RBBP6: variants seen among roughly 807,000 people sequenced by gnomAD.
RBBP6 encodes RB binding protein 6, ubiquitin ligase.
RBBP6 carries 25 observed loss-of-function variants against 167.7 expected under a neutral mutation model. That is an observed-to-expected ratio of 0.15 (90% CI 0.11 to 0.21). The LOEUF is 0.21. Among genes scored for constraint, RBBP6 ranks in the 10% least tolerant of loss-of-function variants. RBBP6 has a pLI of 1.00. For missense variants in RBBP6, 1,868 were observed against 2,134.2 expected, an observed-to-expected ratio of 0.88 and a Z score of 2.46; for synonymous variants, 789 against 735.8, an observed-to-expected ratio of 1.07 and a Z score of -1.17.
chr16:24,556,228 CTGTAT>C (rs2141465780), intron 6 of RBBP6, 75 bp from the exon 7 acceptor site: 2 of 1,167,954 alleles, frequency 1.7e-6, no homozygotes, highest in South Asian at 2.8e-5. Flanking sequence ...ATAGTAAGCA[CTGTAT>C]AACATTAGCT....
intron 3 of RBBP6, among the ~76,000 whole-genome samples, chr16:24,549,999 A>G (rs932493393): frequency 6.6e-6 from 1 of 152,042 alleles, no homozygotes; most frequent in African/African-American, 2.4e-5. Context: ...CATCTGTTTC[A>G]TAACACAGGT....
At chr16:24,545,528 T>G (rs1009382019) in intron 1 of RBBP6, among the ~76,000 whole-genome samples, 1 of 152,226 alleles carries the variant, frequency 6.6e-6, no homozygotes, top group African/African-American at 2.4e-5. Context: ...TCAAGCCGTT[T>G]CGTATCATTT....
intron 8 of RBBP6, among the ~76,000 whole-genome samples, chr16:24,560,107 T>C (rs1899012338): frequency 7.5e-6 from 1 of 133,776 alleles, no homozygotes; most frequent in Non-Finnish European, 1.6e-5. Flanking sequence ...TGTAGACAGT[T>C]TTTGTTTTTT....
chr16:24,569,267 C>G lies in RBBP6; in HGVS notation c.2577C>G (p.Asn859Lys), dbSNP rs528179927. Residue 859 changes from asparagine to lysine, a missense_variant, in exon 17 of 18, where the codon AAC becomes AAG. By Grantham distance (94) the Asn-to-Lys change is moderately conservative. Coordinates refer to ENST00000319715, the MANE Select transcript of RBBP6 (RefSeq NM_006910.5). ...CTAGACCCTCAGCAAATAGAGAGAACTTTTCTCCAGAGAGATTTTTGCCAC... is the reference window on the plus strand; with the variant it reads ...CTAGACCCTCAGCAAATAGAGAGAAGTTTTCTCCAGAGAGATTTTTGCCAC... ...AQPRPSANRE[N>K]FSPERFLPLN... 1 of 1,612,242 alleles carries G rather than the reference C, an allele frequency of 6.2e-7. No individual in the cohort carries two copies. The highest frequency in any genetic ancestry group is 1.3e-5 in the African/African-American group (1 of 74,726).
rs757343740 is a variant in RBBP6, at chr16:24,572,119, G to A, written c.5053G>A (p.Val1685Met). The A allele has an allele frequency of 1.2e-6, 2 of 1,614,136 alleles. No individual in the cohort carries two copies. ...ESLDTAAVVQ[V>M]GISRNQSHSS... ...CCTGGACACAGCAGCAGTTGTCCAGGTGGGCATAAGCAGGAATCAGAGCCA... is the reference window on the plus strand; with the variant it reads ...CCTGGACACAGCAGCAGTTGTCCAGATGGGCATAAGCAGGAATCAGAGCCA... The change falls in exon 18 of 18, where the codon GTG becomes ATG. Residue 1685 changes from valine to methionine, a missense_variant. Coordinates refer to ENST00000319715, the MANE Select transcript of RBBP6 (RefSeq NM_006910.5).
At chr16:24,547,691 G>A in intron 2 of RBBP6, among the ~76,000 whole-genome samples, 1 of 152,212 alleles carries the variant, frequency 6.6e-6, no homozygotes, top group Non-Finnish European at 1.5e-5. Flanking sequence ...CCTGACCTCA[G>A]GTGATCCACC....
chr16:24,571,170 G>A lies in RBBP6; in HGVS notation c.4104G>A (p.Glu1368=), dbSNP rs369961617. Residue 1368 remains glutamate, a synonymous_variant, in exon 18 of 18, where the codon GAG becomes GAA. Transcript: ENST00000319715. ...TCAAGTATCCTGAGAAAGAAAGTGA[G>A]CCATCCGAGAAAATTCAGAAATTCA... The part of the protein sequence containing the change: ...NIVKYPEKES[E]PSEKIQKFTK... The A allele has an allele frequency of 1.6e-5, 26 of 1,613,548 alleles. No homozygotes were observed. In the African/African-American group the frequency reaches 2.8e-4, roughly 17 times the overall value.
chr16:24,550,021 G>T (rs1040368040), intron 3 of RBBP6, among the ~76,000 whole-genome samples: 2 of 151,860 alleles, frequency 1.3e-5, no homozygotes, highest in African/African-American at 4.8e-5. Flanking sequence ...TATCATAATT[G>T]GGTTCTGTAA....
At chr16:24,558,229 A>G (rs1258112902) in intron 7 of RBBP6, among the ~76,000 whole-genome samples, 1 of 152,194 alleles carries the variant, frequency 6.6e-6, no homozygotes, top group Non-Finnish European at 1.5e-5. Flanking sequence ...CTGAAATACA[A>G]ATGCCCAATT....
chr16:24,540,858 C>G (rs7196581), intron 1 of RBBP6, 66 bp downstream of exon 1: 173,909 of 1,535,346 alleles, frequency 0.11, 10,711 homozygotes, highest in South Asian at 0.17. Flanking sequence ...AGGTGCCTGG[C>G]AGGAAGCTAA....
rs763487607 is a variant in RBBP6, at chr16:24,570,453, G to C, written c.3763G>C (p.Val1255Leu). 6.2e-7 allele frequency: 1 copy of C among 1,603,372 alleles called. No individual in the cohort carries two copies. Among genetic ancestry groups the C allele is most frequent in the South Asian group, 1.1e-5 (1 of 88,858 alleles). The change falls in exon 17 of 18, where the codon GTG becomes CTG. Residue 1255 changes from valine to leucine, a missense_variant. Val to Leu is a conservative substitution (Grantham distance 32). Around this residue, in one of 7 missense-constraint regions of RBBP6, gnomAD observed 673 missense variants for 691.5 expected, o/e 0.97. Coordinates refer to ENST00000319715, the MANE Select transcript of RBBP6 (RefSeq NM_006910.5). ...AGTCAAAGGAAAGGTCAGACGAAAA[G>C]TGACTGGAACTGAAGGATCCAGCTC... ...EKVKGKVRRK[V>L]TGTEGSSSTL...
chr16:24,553,668 A>G (rs771750443), intron 4 of RBBP6, 111 bp downstream of exon 4: 9 of 710,512 alleles, frequency 1.3e-5, no homozygotes, highest in Non-Finnish European at 1.8e-5. Context: ...TTGCAAAAGC[A>G]TTGTACATAT....
chr16:24,545,215 G>A (rs1357885265), intron 1 of RBBP6, among the ~76,000 whole-genome samples: 1 of 152,000 alleles, frequency 6.6e-6, no homozygotes, highest in Non-Finnish European at 1.5e-5. Flanking sequence ...GGGACTACAG[G>A]CGCCCACCAC....
At chr16:24,540,896 T>A in intron 1 of RBBP6, 104 bp downstream of exon 1, 1 of 1,370,492 alleles carries the variant, frequency 7.3e-7, no homozygotes, top group Non-Finnish European at 9.8e-7. Context: ...GTGGGGACTG[T>A]TCGTTCTAGT....
intron 3 of RBBP6, among the ~76,000 whole-genome samples, chr16:24,551,864 G>T (rs551471068): frequency 4.6e-5 from 7 of 151,846 alleles, no homozygotes; most frequent in African/African-American, 1.7e-4. Flanking sequence ...TCTAGTCCTT[G>T]TTACTTAAAA....
intron 7 of RBBP6, 52 bp downstream of exon 7, chr16:24,556,499 T>C (rs1480165492): frequency 3.3e-6 from 5 of 1,518,516 alleles, no homozygotes; most frequent in Non-Finnish European, 4.4e-6. Flanking sequence ...AGTCCCAGGG[T>C]ATAGTGTTTT....
At chr16:24,540,936 A>G (rs903530768) in intron 1 of RBBP6, 144 bp downstream of exon 1, 2 of 1,047,384 alleles carry the variant, frequency 1.9e-6, no homozygotes, top group Admixed American at 6.2e-5. Flanking sequence ...TTGATAGCCA[A>G]GGTTTGCAGC....
rs187988803 is a variant in RBBP6, at chr16:24,566,244, A to G, written c.1590-899A>G. Among the ~76,000 whole-genome samples the G allele has an allele frequency of 1.4e-4, 22 of 152,374 alleles. No homozygotes were observed. The East Asian group carries it at 4.0e-3, about 28-fold the overall frequency. ...TGTGTACCAATTATTTATAATTTAA[A>G]GCACCTCTAGTTTAACAGAAGTAAC... On this transcript the variant is annotated intron_variant, in intron 14 of 17. Coordinates refer to ENST00000319715, the MANE Select transcript of RBBP6 (RefSeq NM_006910.5).
chr16:24,556,505 G>A (rs1200358165), intron 7 of RBBP6, 58 bp downstream of exon 7: 4 of 1,489,296 alleles, frequency 2.7e-6, no homozygotes, highest in Non-Finnish European at 3.6e-6. Flanking sequence ...AGGGTATAGT[G>A]TTTTAATCTT....
Sources: gnomAD v4.1 joint callset for allele counts (sites outside exome capture counted in the v4.1 genomes callset) on GRCh38, gnomAD v4.1.1 for gene constraint, gnomAD v4.1.1 regional missense constraint, MANE v1.5 for transcripts, NCBI Gene and HGNC (gene_info 2026-07-23, HGNC 2026-07-21) for gene names.